The following COX15 variants were observed in gnomAD, a reference collection of about 807,000 sequenced individuals.
The protein encoded by COX15 is heme A synthase COX15.
A neutral mutation model predicts 51.9 loss-of-function variants in COX15; 51 were observed. That is an observed-to-expected ratio of 0.98 (90% confidence interval 0.78 to 1.24). The LOEUF (loss-of-function observed/expected upper bound fraction) is 1.24, where lower values mean the gene tolerates loss of function less well. Ranked by LOEUF, COX15 falls within the 50% of genes most tolerant of loss-of-function variation. The pLI, the probability that COX15 is intolerant of heterozygous loss-of-function variation, is 0.00. For missense variants in COX15, 420 were observed against 501.1 expected, an observed-to-expected ratio of 0.84 and a Z score of 1.55; for synonymous variants, 188 against 190.5, an observed-to-expected ratio of 0.99 and a Z score of 0.11.
the COX15 span, chr10:99,702,486 A>T: frequency 3.8e-4 from 573 of 1,507,602 alleles, 8 homozygotes; most frequent in South Asian, 7.2e-3. Flanking sequence ...CTCTTTTTTT[A>T]AAATTTAATT....
In COX15 at chr10:99,711,110, C is replaced by A. The variant is rs1452594851; in HGVS notation, c.*3477G>T. On this transcript the variant is annotated 3_prime_UTR_variant, in exon 9 of 9. Coordinates refer to ENST00000016171, the MANE Select transcript of COX15 (RefSeq NM_078470.6). ...GGGAATAACATAAATACAAAAAAAA[C>A]CCTAAGATAATCATTCACCAGAAGC... 14 of 809,614 alleles carry A rather than the reference C, an allele frequency of 1.7e-5. No homozygotes were observed. Among genetic ancestry groups the A allele is most frequent in the African/African-American group, 1.9e-5 (1 of 51,308 alleles). 50.2% of individuals were successfully genotyped at this position (809,614 alleles called of 1,614,324 possible). A position where few individuals can be genotyped will look rare whatever the true frequency, so the allele number is the denominator to read the frequency against.
At chr10:99,726,825 G>A in intron 4 of COX15, 143 bp downstream of exon 4, 2 of 773,536 alleles carry the variant, frequency 2.6e-6, no homozygotes, top group Non-Finnish European at 4.2e-6. Flanking sequence ...GGCGGAGCTT[G>A]CAGTGAGCCG....
At chr10:99,703,746 T>G in the COX15 span, among the ~76,000 whole-genome samples, 1 of 152,222 alleles carries the variant, frequency 6.6e-6, no homozygotes, top group Non-Finnish European at 1.5e-5. Context: ...AGACAGGGTC[T>G]TGCTCTGTTG....
the COX15 span, chr10:99,702,706 G>C: frequency 6.4e-7 from 1 of 1,559,852 alleles, no homozygotes. Flanking sequence ...GGTATCTTGA[G>C]CTCAGAGGAT....
chr10:99,711,017 A>G lies in COX15; in HGVS notation c.*3570T>C, dbSNP rs2036365254. ...TTGGAAAAAGGTATTTGGAACATCA[A>G]TCTGTAATTATCCATTTTCCATTCA... On this transcript the variant is annotated 3_prime_UTR_variant, in exon 9 of 9. Transcript: ENST00000016171. 2 of 985,172 alleles carry G rather than the reference A, an allele frequency of 2.0e-6. No individual in the cohort carries two copies. The highest frequency in any genetic ancestry group is 2.4e-6 in the Non-Finnish European group (2 of 829,826). 61.0% of individuals were successfully genotyped at this position (985,172 alleles called of 1,614,324 possible). A position where few individuals can be genotyped will look rare whatever the true frequency, so the allele number is the denominator to read the frequency against.
chr10:99,714,293 C>A lies in COX15; in HGVS notation c.*294G>T, dbSNP rs556480730. 121 of 1,209,900 alleles carry A rather than the reference C, an allele frequency of 1.0e-4. No individual in the cohort carries two copies. In the South Asian group the frequency reaches 1.8e-3, roughly 18 times the overall value. The allele number at this position is 1,209,900 out of a possible 1,614,324, so 74.9% of individuals were successfully genotyped here. ...ACGTAGAACCAAGAGCTTGCCAACA[C>A]TGAAAAACCTGACACAAAGCCTGTT... is the stretch of plus-strand genomic sequence containing the variant. On this transcript the variant is annotated 3_prime_UTR_variant, in exon 9 of 9. Coordinates refer to ENST00000016171, the MANE Select transcript of COX15 (RefSeq NM_078470.6).
the COX15 span, chr10:99,696,208 GA>G: frequency 4.1e-6 from 6 of 1,479,432 alleles, no homozygotes; most frequent in Non-Finnish European, 5.5e-6. Context: ...TCCTAAGACA[GA>G]TAAGTCCCTG....
At chr10:99,695,920 C>A in the COX15 span, 26 of 1,570,842 alleles carry the variant, frequency 1.7e-5, no homozygotes, top group African/African-American at 3.4e-4. Context: ...GCAACCAAAA[C>A]TAAAATTCCC....
intron 8 of COX15, among the ~76,000 whole-genome samples, chr10:99,715,419 G>A (rs1262656928): frequency 3.3e-5 from 5 of 152,084 alleles, no homozygotes; most frequent in Non-Finnish European, 7.4e-5. Context: ...GATTACAGGC[G>A]TGAGCCACTG....
chr10:99,700,735 C>A, the COX15 span: 1 of 554,844 alleles, frequency 1.8e-6, no homozygotes, highest in Admixed American at 3.4e-5. Context: ...CTAACCTCAG[C>A]CCCTCTGAAG....
intron 7 of COX15, among the ~76,000 whole-genome samples, chr10:99,716,910 G>A (rs560394067): frequency 1.3e-5 from 2 of 152,126 alleles, no homozygotes; most frequent in South Asian, 4.2e-4. Flanking sequence ...AAGACCTAAA[G>A]TCTCATTTTC....
chr10:99,718,143 TG>T (rs2036633542), intron 7 of COX15, among the ~76,000 whole-genome samples: 1 of 95,826 alleles, frequency 1.0e-5, no homozygotes, highest in African/African-American at 4.2e-5. Context: ...AGAATTTGGC[TG>T]GGGTTGGGGT....
intron 8 of COX15, 77 bp downstream of exon 8, chr10:99,716,271 C>T: frequency 9.8e-7 from 1 of 1,023,980 alleles, no homozygotes; most frequent in Non-Finnish European, 1.5e-6. Context: ...GGGATTACAG[C>T]CATGAGCCAC....
At chr10:99,708,414 C>G (rs556886606), downstream of COX15, among the ~76,000 whole-genome samples, 1 of 152,148 alleles carries the variant, frequency 6.6e-6, no homozygotes, top group Non-Finnish European at 1.5e-5. Context: ...AGGGAAAGAA[C>G]AGTAGGCTTA....
intron 4 of COX15, among the ~76,000 whole-genome samples, chr10:99,724,429 C>T (rs1014248625): frequency 6.6e-6 from 1 of 152,164 alleles, no homozygotes; most frequent in Non-Finnish European, 1.5e-5. Flanking sequence ...ATCCGCCCAC[C>T]TCAGCCTACC....
At chr10:99,698,995 T>TC in the COX15 span, 2 of 759,756 alleles carry the variant, frequency 2.6e-6, no homozygotes, top group Non-Finnish European at 4.1e-6. Flanking sequence ...TGAACACTCA[T>TC]TTTACAGATG....
rs1302173952 is a variant in COX15, at chr10:99,721,002, G to A, written c.817C>T (p.Leu273Phe). The A allele has an allele frequency of 6.8e-6, 11 of 1,613,682 alleles. No homozygotes were observed. Reference protein sequence around the residue: ...FAHGTAGLVFLTALSGAFVAG... With the variant: ...FAHGTAGLVFFTALSGAFVAG... ...TGAGTCCTACCTGAGAGGGCCGTAA[G>A]GAACACCAGACCTGCTGTTCCATGA... The change falls in exon 6 of 9, where the codon CTT becomes TTT. Residue 273 changes from leucine to phenylalanine, a missense_variant. Leu to Phe is a conservative substitution (Grantham distance 22). Coordinates refer to ENST00000016171, the MANE Select transcript of COX15 (RefSeq NM_078470.6).
chr10:99,724,177 ACTTT>A, intron 4 of COX15, 54 bp from the exon 5 acceptor site: 7 of 1,605,474 alleles, frequency 4.4e-6, no homozygotes, highest in Non-Finnish European at 6.0e-6. Flanking sequence ...GATCTGTTCA[ACTTT>A]CTTTTTTTTG....
At chr10:99,725,516 C>T (rs1379220706) in intron 4 of COX15, among the ~76,000 whole-genome samples, 1 of 152,082 alleles carries the variant, frequency 6.6e-6, no homozygotes, top group Non-Finnish European at 1.5e-5. Context: ...GTTTCTGCTG[C>T]CTCTATTTCT....
Sources: gnomAD v4.1 joint callset for allele counts (sites outside exome capture counted in the v4.1 genomes callset) on GRCh38, gnomAD v4.1.1 for gene constraint, MANE v1.5 for transcripts, NCBI Gene and HGNC (gene_info 2026-07-23, HGNC 2026-07-21) for gene names.